Variants in DPP10 observed in about 807,000 individuals in gnomAD.
DPP10 encodes the protein inactive dipeptidyl peptidase 10.
Under a neutral mutation model 120.9 loss-of-function variants are expected in DPP10, and 33 were observed. The observed-to-expected ratio is 0.27, with a 90% CI of 0.21 to 0.37. DPP10 has a LOEUF of 0.37. DPP10 is among the 10% of genes least tolerant of loss of function. The pLI is 1.00. For synonymous variants in DPP10, 337 were observed against 326.1 expected (o/e 1.03, Z -0.36); for missense variants, 816 against 942.8 (o/e 0.87, Z 1.76).
At chr2:115,262,827 A>G (rs968242217) in intron 1 of DPP10, among the ~76,000 whole-genome samples, 1 of 152,204 alleles carries the variant, frequency 6.6e-6, no homozygotes, top group African/African-American at 2.4e-5. Flanking sequence ...CAAGATCCCT[A>G]CAAAGAAGTA....
chr2:114,842,371 A>C (rs1466820632), intron 1 of DPP10, among the ~76,000 whole-genome samples: 2 of 152,090 alleles, frequency 1.3e-5, no homozygotes, highest in East Asian at 3.9e-4. Flanking sequence ...GCTGGAATGA[A>C]ATTCTTCACG....
At chr2:114,784,303 A>G (rs1417407048) in intron 1 of DPP10, among the ~76,000 whole-genome samples, 1 of 152,118 alleles carries the variant, frequency 6.6e-6, no homozygotes, top group African/African-American at 2.4e-5. Flanking sequence ...AGGTCACCCT[A>G]TTTGTAAGAA....
chr2:114,514,212 T>C (rs6750402), intron 1 of DPP10, among the ~76,000 whole-genome samples: 51,963 of 152,056 alleles, frequency 0.34, 9,798 homozygotes, highest in African/African-American at 0.51. Flanking sequence ...CTAACACATA[T>C]TGAGTGATGA....
At chr2:114,717,652 T>C (rs1377197881) in intron 1 of DPP10, among the ~76,000 whole-genome samples, 1 of 152,136 alleles carries the variant, frequency 6.6e-6, no homozygotes, top group Non-Finnish European at 1.5e-5. Context: ...AAAATAAAAA[T>C]AGTAGCCATG....
chr2:115,593,246 A>G (rs1339360637), intron 5 of DPP10, among the ~76,000 whole-genome samples: 1 of 152,154 alleles, frequency 6.6e-6, no homozygotes, highest in Non-Finnish European at 1.5e-5. Context: ...GCTCTCTAAT[A>G]AAGCATTTCT....
intron 1 of DPP10, among the ~76,000 whole-genome samples, chr2:114,744,872 C>T (rs968217924): frequency 5.9e-5 from 9 of 152,166 alleles, no homozygotes; most frequent in Admixed American, 3.3e-4. Flanking sequence ...AGCGATTCTC[C>T]TGCCTCGGCC....
intron 1 of DPP10, among the ~76,000 whole-genome samples, chr2:114,691,988 G>A (rs756067231): frequency 1.3e-5 from 2 of 151,870 alleles, no homozygotes; most frequent in Admixed American, 6.6e-5. Flanking sequence ...TTCTTTATTA[G>A]TATAGCTAGT....
At chr2:115,143,185 G>A (rs1392025093) in intron 1 of DPP10, among the ~76,000 whole-genome samples, 1 of 152,194 alleles carries the variant, frequency 6.6e-6, no homozygotes, top group African/African-American at 2.4e-5. Context: ...CAGTGGATGA[G>A]CATGGTGCTG....
intron 1 of DPP10, among the ~76,000 whole-genome samples, chr2:114,896,929 A>G (rs1693058915): frequency 6.6e-6 from 1 of 152,192 alleles, no homozygotes; most frequent in African/African-American, 2.4e-5. Context: ...TAATTTACTG[A>G]GAGTTTTTAG....
intron 1 of DPP10, among the ~76,000 whole-genome samples, chr2:114,494,358 A>T (rs1682308540): frequency 3.3e-5 from 5 of 152,178 alleles, no homozygotes; most frequent in Admixed American, 3.3e-4. Flanking sequence ...TTACATAGGG[A>T]GTGTGCAAAA....
chr2:114,673,215 T>G (rs116285100), intron 1 of DPP10, among the ~76,000 whole-genome samples: 1,603 of 152,270 alleles, frequency 0.011, 21 homozygotes, highest in African/African-American at 0.036. Flanking sequence ...CAAGCTTCAG[T>G]GTGTTGTTGG....
intron 1 of DPP10, among the ~76,000 whole-genome samples, chr2:115,139,018 A>G (rs2050786118): frequency 6.6e-6 from 1 of 152,202 alleles, no homozygotes; most frequent in South Asian, 2.1e-4. Context: ...CATGTGATGC[A>G]TGCAGATTTA....
intron 1 of DPP10, among the ~76,000 whole-genome samples, chr2:114,534,635 T>C (rs1322495787): frequency 6.6e-6 from 1 of 152,214 alleles, no homozygotes; most frequent in Non-Finnish European, 1.5e-5. Flanking sequence ...CTTATTTCCT[T>C]TGTTTTCAGT....
chr2:115,495,700 ATAGT>A (rs1454228045), intron 3 of DPP10, among the ~76,000 whole-genome samples: 2 of 152,156 alleles, frequency 1.3e-5, no homozygotes, highest in African/African-American at 2.4e-5. Context: ...GGCAGTAATG[ATAGT>A]TAGGGTTACT....
At chr2:114,923,472 C>CTTTTTTTTT (rs71394115) in intron 1 of DPP10, among the ~76,000 whole-genome samples, 1 of 69,420 alleles carries the variant, frequency 1.4e-5, no homozygotes, top group Non-Finnish European at 2.5e-5. Context: ...GCCTTTTTTC[C>CTTTTTTTTT]TTTTTTTTTT....
chr2:115,063,898 G>C (rs922901970), intron 1 of DPP10, among the ~76,000 whole-genome samples: 1 of 152,010 alleles, frequency 6.6e-6, no homozygotes, highest in Non-Finnish European at 1.5e-5. Context: ...TGTATATAAG[G>C]TTTTATGATT....
chr2:114,634,627 T>G (rs1009598519), intron 1 of DPP10, among the ~76,000 whole-genome samples: 7 of 151,878 alleles, frequency 4.6e-5, no homozygotes, highest in African/African-American at 1.7e-4. Flanking sequence ...TTCCTTAACT[T>G]CTCTGAGGTT....
At chr2:115,723,241 G>A (rs1044650125) in intron 7 of DPP10, among the ~76,000 whole-genome samples, 1 of 152,152 alleles carries the variant, frequency 6.6e-6, no homozygotes, top group East Asian at 1.9e-4. Context: ...ATGTGTCGGC[G>A]AGATTACTGA....
chr2:115,156,404 TC>T (rs2051914419), intron 1 of DPP10, among the ~76,000 whole-genome samples: 1 of 152,212 alleles, frequency 6.6e-6, no homozygotes, highest in Non-Finnish European at 1.5e-5. Flanking sequence ...TCTCTTGTTT[TC>T]TAGGGGAAAA....
Sources: gnomAD v4.1 joint callset for allele counts (sites outside exome capture counted in the v4.1 genomes callset) on GRCh38, gnomAD v4.1.1 for gene constraint, MANE v1.5 for transcripts, NCBI Gene and HGNC (gene_info 2026-07-23, HGNC 2026-07-21) for gene names.